NFIB: variants seen among roughly 807,000 people sequenced by gnomAD.
NFIB encodes the protein nuclear factor 1 B-type.
A neutral mutation model predicts 61.5 loss-of-function variants in NFIB; 11 were observed. The observed-to-expected ratio is 0.18, with a 90% CI of 0.11 to 0.30. The LOEUF (loss-of-function observed/expected upper bound fraction) is 0.30. Among genes scored for constraint, NFIB ranks in the 10% least tolerant of loss-of-function variants. The probability of loss-of-function intolerance (pLI) is 1.00; values close to 1 mark genes in which losing one functional copy is unlikely to be tolerated. For synonymous variants in NFIB, 260 were observed against 216.5 expected, an observed-to-expected ratio of 1.20 and a Z score of -1.76; for missense variants, 471 against 608.9, an observed-to-expected ratio of 0.77 and a Z score of 2.38.
At position 14,247,530 on chromosome 9, in the gene NFIB, G is replaced by A. The variant is rs78831747; in HGVS notation, c.562+59459C>T. On this transcript the variant is annotated intron_variant, in intron 2 of 10. Coordinates refer to ENST00000380953, the MANE Select transcript of NFIB (RefSeq NM_001190737.2). ...ATGGCACGTCTCTGCACTGCTCCAGGTCAGGAGGGCCATCTGACACTGCAC... is the reference window on the plus strand; with the variant it reads ...ATGGCACGTCTCTGCACTGCTCCAGATCAGGAGGGCCATCTGACACTGCAC... Among the ~76,000 whole-genome samples, 10 of 152,326 alleles carry A rather than the reference G, an allele frequency of 6.6e-5. No homozygotes were observed. The East Asian group carries it at 1.3e-3, about 21-fold the overall frequency.
At chr9:14,274,745 C>T (rs753024487) in intron 2 of NFIB, among the ~76,000 whole-genome samples, 5 of 152,106 alleles carry the variant, frequency 3.3e-5, no homozygotes, top group Admixed American at 2.0e-4. Context: ...CTAAAATTGA[C>T]AAAATTAAAG....
At chr9:14,162,314 T>G (rs2044293778) in intron 3 of NFIB, among the ~76,000 whole-genome samples, 1 of 152,100 alleles carries the variant, frequency 6.6e-6, no homozygotes, top group Non-Finnish European at 1.5e-5. Flanking sequence ...TTTAAAAAGT[T>G]TTCTGACGAG....
intron 10 of NFIB, among the ~76,000 whole-genome samples, chr9:14,106,126 TC>T (rs2036517530): frequency 6.6e-6 from 1 of 152,088 alleles, no homozygotes. Context: ...TGCTTTTTTC[TC>T]CCAATAGTAA....
At chr9:14,469,400 C>T in the NFIB span, among the ~76,000 whole-genome samples, 8 of 152,144 alleles carry the variant, frequency 5.3e-5, no homozygotes, top group East Asian at 1.9e-4. Flanking sequence ...AATGTGGATT[C>T]GGAACCCATC....
chr9:14,375,921 G>A (rs748795299), intron 1 of NFIB, among the ~76,000 whole-genome samples: 49 of 152,296 alleles, frequency 3.2e-4, no homozygotes, highest in Middle Eastern at 3.4e-3. Flanking sequence ...CACTGCTTCC[G>A]TTTGAATTAT....
At chr9:14,528,043 T>C in the NFIB span, among the ~76,000 whole-genome samples, 1,899 of 152,276 alleles carry the variant, frequency 0.012, 41 homozygotes, top group African/African-American at 0.042. Context: ...TAACATATAC[T>C]AGTTTCAGCA....
chr9:14,161,460 AT>A (rs1458218224), intron 3 of NFIB, among the ~76,000 whole-genome samples: 1 of 151,712 alleles, frequency 6.6e-6, no homozygotes, highest in Non-Finnish European at 1.5e-5. Context: ...ATAGCATTAT[AT>A]TTTTTTCAAT....
chr9:14,490,949 T>C, the NFIB span, among the ~76,000 whole-genome samples: 1 of 152,178 alleles, frequency 6.6e-6, no homozygotes, highest in Admixed American at 6.5e-5. Flanking sequence ...AGTCTAGTGG[T>C]AATAGCAAAA....
At chr9:14,454,754 G>A in the NFIB span, among the ~76,000 whole-genome samples, 1 of 152,202 alleles carries the variant, frequency 6.6e-6, no homozygotes, top group Non-Finnish European at 1.5e-5. Flanking sequence ...CTACCAGAAT[G>A]TTATAGTACC....
the NFIB span, among the ~76,000 whole-genome samples, chr9:14,518,025 C>A: frequency 7.9e-5 from 12 of 152,180 alleles, no homozygotes; most frequent in African/African-American, 2.9e-4. Flanking sequence ...AGGAAGAGCA[C>A]TAAGCCTGCC....
chr9:14,289,098 GTGTGTGTA>G (rs1241976657), intron 2 of NFIB, among the ~76,000 whole-genome samples: 7 of 147,132 alleles, frequency 4.8e-5, no homozygotes, highest in Non-Finnish European at 4.5e-5. Flanking sequence ...GTGTGTGTGT[GTGTGTGTA>G]TGTGTGTGTG....
intron 2 of NFIB, among the ~76,000 whole-genome samples, chr9:14,285,197 A>C (rs78293573): frequency 0.11 from 16,350 of 152,228 alleles, 1,271 homozygotes; most frequent in East Asian, 0.22. Flanking sequence ...ATCTCAGCTC[A>C]CTGCAACCTC....
At position 14,313,716 on chromosome 9, in the gene NFIB, C is replaced by G. The variant is rs541456893; in HGVS notation, c.-205G>C. The G allele has an allele frequency of 7.1e-7, 1 of 1,404,708 alleles. No homozygotes were observed. The highest frequency in any genetic ancestry group is 9.3e-7 in the Non-Finnish European group (1 of 1,080,792). 87.0% of individuals were successfully genotyped at this position (1,404,708 alleles called of 1,614,324 possible). ...CAAGTTCACTCGGCGTGCTAGATTT[C>G]CAGGGGTGAAATCCAATCTACACTT... On this transcript the variant is annotated 5_prime_UTR_variant, in exon 1 of 11. Transcript: ENST00000380953. This position sits in a 1 kb window ranked among gnomAD's most constrained non-coding sequence, Gnocchi z 4.5.
chr9:14,471,697 TTC>T, the NFIB span, among the ~76,000 whole-genome samples: 1 of 152,236 alleles, frequency 6.6e-6, no homozygotes, highest in Admixed American at 6.5e-5. Context: ...TCACCATCTA[TTC>T]TCTGTTTTTC....
chr9:14,367,017 A>C (rs1421795651), intron 1 of NFIB, among the ~76,000 whole-genome samples: 2 of 152,122 alleles, frequency 1.3e-5, no homozygotes, highest in Non-Finnish European at 2.9e-5. Flanking sequence ...TAAACGCTAA[A>C]TGTAACACTT....
intron 1 of NFIB, among the ~76,000 whole-genome samples, chr9:14,322,510 C>G (rs2060686718): frequency 6.6e-6 from 1 of 152,212 alleles, no homozygotes; most frequent in Middle Eastern, 3.4e-3. Flanking sequence ...GCAGCGCACC[C>G]TTCCGCGCCC....
chr9:14,322,399 G>A (rs1229150822), intron 1 of NFIB: 2 of 235,566 alleles, frequency 8.5e-6, no homozygotes, highest in Non-Finnish European at 1.7e-5. Context: ...GGGCTGCGCC[G>A]GTCAGATGCA....
At chr9:14,510,191 C>T in the NFIB span, among the ~76,000 whole-genome samples, 6 of 152,172 alleles carry the variant, frequency 3.9e-5, no homozygotes, top group African/African-American at 4.8e-5. Context: ...CCACCGTGCC[C>T]GGCCTTGAAG....
chr9:14,196,715 A>G (rs2048512699), intron 2 of NFIB, among the ~76,000 whole-genome samples: 1 of 151,330 alleles, frequency 6.6e-6, no homozygotes, highest in Admixed American at 6.6e-5. Flanking sequence ...ACAGAGCCTA[A>G]GTTCATCACT....
Sources: allele counts gnomAD v4.1 joint callset (sites outside exome capture counted in the v4.1 genomes callset), GRCh38; gene constraint gnomAD v4.1.1; non-coding constraint Gnocchi (gnomAD v3.1); transcripts MANE v1.5; gene names NCBI Gene and HGNC (gene_info 2026-07-23, HGNC 2026-07-21).